The following ATP8B4 variants were observed in gnomAD, a reference collection of about 807,000 sequenced individuals.
ATP8B4 encodes the protein probable phospholipid-transporting ATPase IM.
A neutral mutation model predicts 145.6 loss-of-function variants in ATP8B4; 133 were observed. That is an observed-to-expected ratio of 0.91 (90% CI 0.79 to 1.05). ATP8B4 has a LOEUF of 1.05. Among genes scored for constraint, ATP8B4 ranks in the 50% least tolerant of loss-of-function variants. The pLI, the probability that ATP8B4 is intolerant of heterozygous loss-of-function variation, is 0.00. For missense variants in ATP8B4, 1,458 were observed against 1,425.2 expected, an observed-to-expected ratio of 1.02 and a Z score of -0.37; for synonymous variants, 507 against 492.9, an observed-to-expected ratio of 1.03 and a Z score of -0.38.
intron 6 of ATP8B4, among the ~76,000 whole-genome samples, chr15:50,024,379 A>G (rs1224748751): frequency 2.0e-5 from 3 of 152,122 alleles, no homozygotes; most frequent in Non-Finnish European, 4.4e-5. Context: ...TTCCAGACCT[A>G]CTCTCCAAAA....
intron 5 of ATP8B4, among the ~76,000 whole-genome samples, chr15:50,043,408 C>T (rs1333912151): frequency 6.6e-6 from 1 of 152,130 alleles, no homozygotes; most frequent in Non-Finnish European, 1.5e-5. Context: ...CACTTATACA[C>T]AGATTTTTTT....
chr15:49,960,033 G>T (rs1385820602), intron 14 of ATP8B4, among the ~76,000 whole-genome samples: 3 of 139,500 alleles, frequency 2.2e-5, no homozygotes, highest in Admixed American at 7.2e-5. Flanking sequence ...AATTTTTTTG[G>T]TTTTTTTTTT....
chr15:50,125,471 T>G (rs1389110867), intron 1 of ATP8B4, among the ~76,000 whole-genome samples: 1 of 152,162 alleles, frequency 6.6e-6, no homozygotes, highest in Admixed American at 6.6e-5. Context: ...TCTGGGACAT[T>G]TCACACATTC....
intron 1 of ATP8B4, among the ~76,000 whole-genome samples, chr15:50,138,326 G>GTAGATAGATAGATAGATAGA (rs71124324): frequency 2.0e-5 from 3 of 148,226 alleles, no homozygotes; most frequent in African/African-American, 5.1e-5. Context: ...AGATAGATAG[G>GTAGATAGATAGATAGATAGA]TAGATAGATA....
At chr15:50,076,677 G>A (rs959984180) in intron 2 of ATP8B4, among the ~76,000 whole-genome samples, 3 of 152,070 alleles carry the variant, frequency 2.0e-5, no homozygotes, top group Admixed American at 1.3e-4. Context: ...GAGCCAGGAA[G>A]CCCACTTTTG....
In ATP8B4 at chr15:49,909,737, A is replaced by G. The variant is rs868567190; in HGVS notation, c.2141+7197T>C. 2.2e-4 allele frequency among the ~76,000 whole-genome samples: 34 copies of G among 151,718 alleles called. No individual in the cohort carries two copies. The South Asian group carries it at 2.7e-3, about 12-fold the overall frequency. On this transcript the variant is annotated intron_variant, in intron 20 of 27. Transcript: ENST00000284509. ...CTTTGTTTACCAAAAAAAAAAAAAA[A>G]AAAAAAAAAGAAAGCCAAATAAATT... is the stretch of plus-strand genomic sequence containing the variant.
At chr15:49,934,291 C>T in intron 14 of ATP8B4, 109 bp from the exon 15 acceptor site, 1 of 1,253,480 alleles carries the variant, frequency 8.0e-7, no homozygotes, top group Non-Finnish European at 1.1e-6. Flanking sequence ...ATTTTGCAGC[C>T]TCAAATGTCT....
chr15:50,179,177 CT>C (rs2044808116), intron 1 of ATP8B4, among the ~76,000 whole-genome samples: 1 of 152,064 alleles, frequency 6.6e-6, no homozygotes, highest in Non-Finnish European at 1.5e-5. Context: ...TATTTAATAC[CT>C]AATAATGTTT....
intron 13 of ATP8B4, among the ~76,000 whole-genome samples, chr15:49,972,217 C>A (rs1007168312): frequency 6.6e-6 from 1 of 152,072 alleles, no homozygotes; most frequent in Non-Finnish European, 1.5e-5. Context: ...TACATGTATA[C>A]CTATGTAACA....
chr15:49,973,125 C>T (rs1217474325), intron 12 of ATP8B4, among the ~76,000 whole-genome samples: 1 of 152,170 alleles, frequency 6.6e-6, no homozygotes, highest in Non-Finnish European at 1.5e-5. Flanking sequence ...CGGCAGTGGT[C>T]CCCAACCTTT....
At chr15:49,908,044 C>T in intron 20 of ATP8B4, 1 of 456,076 alleles carries the variant, frequency 2.2e-6, no homozygotes, top group South Asian at 1.5e-5. Context: ...AAGTTACTTA[C>T]CCTCTATATA....
rs1237408650 is a variant in ATP8B4, at chr15:50,086,786, AAAT to A, written c.29-12604_29-12602del. On this transcript the variant is annotated intron_variant, in intron 2 of 27. Coordinates refer to ENST00000284509, the MANE Select transcript of ATP8B4 (RefSeq NM_024837.4). ...GAGATCTATATTATTATATATAATA[AAAT>A]AATATAGAGATCTATATTTATTATA... is the stretch of plus-strand genomic sequence containing the variant. 5.7e-5 allele frequency among the ~76,000 whole-genome samples: 3 copies of A among 52,198 alleles called. 1 individual carries two copies. Among genetic ancestry groups the A allele is most frequent in the Non-Finnish European group, 8.5e-5 (3 of 35,354 alleles). 34.2% of individuals were successfully genotyped at this position (52,198 alleles called of 152,430 possible).
At chr15:49,866,312 C>T (rs557706914) in intron 26 of ATP8B4, 34 bp downstream of exon 26, 2 of 1,604,988 alleles carry the variant, frequency 1.2e-6, no homozygotes, top group South Asian at 2.2e-5. Context: ...CAGCAGCAGA[C>T]ACTAGGTTCC....
chr15:50,013,133 A>G (rs1045099177), intron 6 of ATP8B4, among the ~76,000 whole-genome samples: 2 of 152,206 alleles, frequency 1.3e-5, no homozygotes, highest in Admixed American at 6.5e-5. Context: ...GGGTCAGACA[A>G]AATGATTTGC....
At chr15:50,158,663 A>G (rs1159261499) in intron 1 of ATP8B4, among the ~76,000 whole-genome samples, 4 of 152,256 alleles carry the variant, frequency 2.6e-5, no homozygotes, top group South Asian at 2.1e-4. Context: ...GGAATAGAAA[A>G]GGGGGAAAGG....
chr15:50,153,616 C>G (rs563332228), intron 1 of ATP8B4, among the ~76,000 whole-genome samples: 1 of 149,488 alleles, frequency 6.7e-6, no homozygotes, highest in Non-Finnish European at 1.5e-5. Context: ...GGATTACAGG[C>G]ATGAGCCACT....
At chr15:50,150,121 A>G (rs1040692460) in intron 1 of ATP8B4, among the ~76,000 whole-genome samples, 6 of 152,090 alleles carry the variant, frequency 3.9e-5, no homozygotes, top group Non-Finnish European at 7.4e-5. Flanking sequence ...AAAATTTCAT[A>G]GTGGTTTTTG....
At chr15:49,908,273 G>A (rs984650307) in intron 20 of ATP8B4, among the ~76,000 whole-genome samples, 1 of 152,172 alleles carries the variant, frequency 6.6e-6, no homozygotes, top group Non-Finnish European at 1.5e-5. Flanking sequence ...CAAGATGTAC[G>A]ACTAAAGGCA....
Position 49,962,815 on chromosome 15 carries a change from A to G in ATP8B4, c.1244-795T>C, listed in dbSNP as rs2044196037. On this transcript the variant is annotated intron_variant, in intron 13 of 27. Transcript: ENST00000284509. Reference sequence around the variant, plus strand: ...ATTTTGAATCGTTGTATAGTAGCCCATGATTATAGATGTAGCATAATTTAT... The same window carrying G: ...ATTTTGAATCGTTGTATAGTAGCCCGTGATTATAGATGTAGCATAATTTAT... Among the ~76,000 whole-genome samples the G allele has an allele frequency of 1.3e-5, 2 of 152,156 alleles. 1 individual carries two copies. Among genetic ancestry groups the G allele is most frequent in the South Asian group, 4.1e-4 (2 of 4,828 alleles).
Sources: allele counts gnomAD v4.1 joint callset (sites outside exome capture counted in the v4.1 genomes callset), GRCh38; gene constraint gnomAD v4.1.1; transcripts MANE v1.5; gene names NCBI Gene and HGNC (gene_info 2026-07-23, HGNC 2026-07-21).